The following FNTB variants were observed in gnomAD, a reference collection of about 807,000 sequenced individuals.
The protein encoded by FNTB is protein farnesyltransferase subunit beta.
Under a neutral mutation model 59.4 loss-of-function variants are expected in FNTB, and 27 were observed. That is an observed-to-expected ratio of 0.45 (90% CI 0.34 to 0.63). The LOEUF is 0.63. Ranked by LOEUF, FNTB falls within the 20% of genes least tolerant of loss-of-function variation. FNTB has a pLI of 0.02. For missense variants in FNTB, 449 were observed against 559.6 expected (o/e 0.80, Z 1.99); for synonymous variants, 230 against 220.7 (o/e 1.04, Z -0.37).
At chr14:64,987,339 T>A in intron 1 of FNTB, 1 of 574,926 alleles carries the variant, frequency 1.7e-6, no homozygotes, top group East Asian at 2.9e-5. Context: ...AGTAGCCGAG[T>A]CCCCTCTGCC....
chr14:65,004,165 G>A, intron 1 of FNTB, 84 bp from the exon 2 acceptor site: 1 of 1,465,536 alleles, frequency 6.8e-7, no homozygotes, highest in Non-Finnish European at 9.4e-7. Context: ...TCGCCAATAG[G>A]CATTTGTGGC....
Position 65,054,498 on chromosome 14 carries a change from C to T in FNTB, c.1068-77C>T, listed in dbSNP as rs1451757176. The T allele has an allele frequency of 1.4e-6, 2 of 1,418,422 alleles. No homozygotes were observed. Among genetic ancestry groups the T allele is most frequent in the Non-Finnish European group, 1.9e-6 (2 of 1,031,282 alleles). 87.9% of individuals were successfully genotyped at this position (1,418,422 alleles called of 1,614,324 possible). A position where few individuals can be genotyped will look rare whatever the true frequency, so the allele number is the denominator to read the frequency against. On this transcript the variant is annotated intron_variant, in intron 10 of 11. Coordinates refer to ENST00000246166, the MANE Select transcript of FNTB (RefSeq NM_002028.4). This position sits in a 1 kb window ranked among gnomAD's most constrained non-coding sequence, Gnocchi z 4.4. The stretch of plus-strand genomic sequence containing the variant: ...GGGGACGTGTGATTGCACCAGTGGT[C>T]TCTGAATTGGTGTGGCTACATTTGT...
Position 65,009,832 on chromosome 14 carries a change from A to G in FNTB, c.210-2485A>G, listed in dbSNP as rs1013492779. On this transcript the variant is annotated intron_variant, in intron 2 of 11. Coordinates refer to ENST00000246166, the MANE Select transcript of FNTB (RefSeq NM_002028.4). The surrounding 1 kb of genome is among the most constrained non-coding windows in gnomAD (Gnocchi z 4.2). ...TTTGGGAAGAGTTTTCTGACCCTCC[A>G]TCTCTTCCCGTGGCTGATCACAGCG... Among the ~76,000 whole-genome samples the G allele has an allele frequency of 2.6e-5, 4 of 151,852 alleles. No homozygotes were observed. The highest frequency in any genetic ancestry group is 4.4e-5 in the Non-Finnish European group (3 of 67,946).
chr14:65,038,938 C>G (rs1222174395), intron 7 of FNTB, among the ~76,000 whole-genome samples: 1 of 152,104 alleles, frequency 6.6e-6, no homozygotes, highest in Non-Finnish European at 1.5e-5. Context: ...TTTGTCCTCT[C>G]AATAGTCTTA....
rs531906264 is a variant in FNTB, at chr14:65,031,647, G to A, written c.606-963G>A. Among the ~76,000 whole-genome samples the A allele has an allele frequency of 6.6e-5, 10 of 152,204 alleles. No individual in the cohort carries two copies. The highest frequency in any genetic ancestry group is 4.1e-4 in the South Asian group (2 of 4,820). ...TGCTTTTTTAAAAAATAGCCCGGGC[G>A]CGGTGGCTTATGCCTGTAATCCCAG... On this transcript the variant is annotated intron_variant, in intron 6 of 11. Transcript: ENST00000246166. This position sits in a 1 kb window ranked among gnomAD's most constrained non-coding sequence, Gnocchi z 4.6.
At chr14:65,010,002 T>C (rs947594372) in intron 2 of FNTB, among the ~76,000 whole-genome samples, 12 of 152,172 alleles carry the variant, frequency 7.9e-5, no homozygotes, top group Admixed American at 2.6e-4. Flanking sequence ...GAGTGGACTT[T>C]CCTGAAAGAG....
intron 4 of FNTB, among the ~76,000 whole-genome samples, chr14:65,026,297 G>T (rs1385326672): frequency 1.3e-5 from 2 of 152,178 alleles, no homozygotes; most frequent in African/African-American, 4.8e-5. Flanking sequence ...TGATGATAGG[G>T]CTCTCTTGAT....
intron 9 of FNTB, among the ~76,000 whole-genome samples, chr14:65,050,927 G>T (rs1196053244): frequency 6.6e-6 from 1 of 152,172 alleles, no homozygotes; most frequent in Non-Finnish European, 1.5e-5. Context: ...CAAGGAACTG[G>T]AAACAACCTT....
Position 65,012,075 on chromosome 14 carries a change from C to T in FNTB, c.210-242C>T, listed in dbSNP as rs2061692352. On this transcript the variant is annotated intron_variant, in intron 2 of 11. Transcript: ENST00000246166. The surrounding 1 kb of genome is among the most constrained non-coding windows in gnomAD (Gnocchi z 5.0). ...GCCCAAAGTCACTGCCTTTAGGAGA[C>T]AATCGCACTCTAAATGTCAGCTGGC... is the stretch of plus-strand genomic sequence containing the variant. The T allele has an allele frequency of 1.3e-5, 6 of 464,278 alleles. No individual in the cohort carries two copies. In the South Asian group the frequency reaches 1.4e-4, roughly 11 times the overall value. The allele number at this position is 464,278 out of a possible 1,614,324, so 28.8% of individuals were successfully genotyped here. A position where few individuals can be genotyped will look rare whatever the true frequency, so the allele number is the denominator to read the frequency against.
At chr14:65,022,034 G>A (rs751733585) in intron 4 of FNTB, 10 of 455,904 alleles carry the variant, frequency 2.2e-5, no homozygotes, top group South Asian at 7.7e-5. Flanking sequence ...CAAATAACAC[G>A]TCTGACTCTG....
In FNTB at chr14:65,001,437, C is replaced by G. The variant is rs1019464247; in HGVS notation, c.145-2812C>G. Reference sequence around the variant, plus strand: ...CCTATGCGTGTGGTAGGCTATACCACCCAGGTTGGTGTGAGTATACTCTGA... The same window carrying G: ...CCTATGCGTGTGGTAGGCTATACCAGCCAGGTTGGTGTGAGTATACTCTGA... On this transcript the variant is annotated intron_variant, in intron 1 of 11. Transcript: ENST00000246166. The surrounding 1 kb of genome is among the most constrained non-coding windows in gnomAD (Gnocchi z 5.5). Among the ~76,000 whole-genome samples, 7 of 152,136 alleles carry G rather than the reference C, an allele frequency of 4.6e-5. No individual in the cohort carries two copies. In the East Asian group the frequency reaches 1.3e-3, roughly 29 times the overall value.
rs952440544 is a variant in FNTB at position 65,014,378 on chromosome 14, C to T, written c.283-1247C>T. Reference sequence around the variant, plus strand: ...GTCTCTTCCACGTGCTCCCTCAAAACTCTGTTTTCGTCCATTACAGCATTT... The same window carrying T: ...GTCTCTTCCACGTGCTCCCTCAAAATTCTGTTTTCGTCCATTACAGCATTT... On this transcript the variant is annotated intron_variant, in intron 3 of 11. Transcript: ENST00000246166. The surrounding 1 kb of genome is among the most constrained non-coding windows in gnomAD (Gnocchi z 5.1). Among the ~76,000 whole-genome samples, 40 of 152,304 alleles carry T rather than the reference C, an allele frequency of 2.6e-4. No homozygotes were observed. The highest frequency in any genetic ancestry group is 9.6e-4 in the African/African-American group (40 of 41,568).
intron 7 of FNTB, among the ~76,000 whole-genome samples, chr14:65,039,909 C>T (rs890108814): frequency 2.0e-5 from 3 of 152,158 alleles, no homozygotes; most frequent in African/African-American, 7.2e-5. Context: ...TCACCAGAGG[C>T]CAAGTGCGGT....
intron 1 of FNTB, among the ~76,000 whole-genome samples, chr14:64,996,766 C>CTTTTT (rs34327825): frequency 4.2e-5 from 4 of 94,444 alleles, no homozygotes; most frequent in South Asian, 4.4e-4. Flanking sequence ...TTGCTAACAT[C>CTTTTT]TTTTTTTTTT....
Position 65,020,644 on chromosome 14 carries a change from A to C in FNTB, c.374+4928A>C, listed in dbSNP as rs184486368. ...AGATTGGGTTTTACCATGTTGGCCA[A>C]GTTGGTCTCGAACTCCTGACCTCAG... On this transcript the variant is annotated intron_variant, in intron 4 of 11. Transcript: ENST00000246166. Among the ~76,000 whole-genome samples the C allele has an allele frequency of 1.9e-3, 285 of 151,186 alleles. 3 individuals are homozygous for C. Among genetic ancestry groups the C allele is most frequent in the Non-Finnish European group, 8.0e-4 (54 of 67,872 alleles).
intron 8 of FNTB, among the ~76,000 whole-genome samples, 156 bp downstream of exon 8, chr14:65,041,075 T>A (rs1023303493): frequency 2.0e-5 from 3 of 152,212 alleles, no homozygotes; most frequent in African/African-American, 7.2e-5. Context: ...CTGCTCTGTC[T>A]TGGCTCCCCC....
In FNTB at chr14:65,028,876, C is replaced by G. The variant is rs2062030079; in HGVS notation, c.605+1095C>G. ...TCTGTTGCTATTCCCCCAAAATATG[C>G]ACAGTCTTGAAACGCAGCTTTTAAA... is the stretch of plus-strand genomic sequence containing the variant. On this transcript the variant is annotated intron_variant, in intron 6 of 11. Coordinates refer to ENST00000246166, the MANE Select transcript of FNTB (RefSeq NM_002028.4). This position sits in a 1 kb window ranked among gnomAD's most constrained non-coding sequence, Gnocchi z 4.4. Among the ~76,000 whole-genome samples, 1 of 152,176 alleles carries G rather than the reference C, an allele frequency of 6.6e-6. No individual in the cohort carries two copies. Among genetic ancestry groups the G allele is most frequent in the African/African-American group, 2.4e-5 (1 of 41,460 alleles).
chr14:65,005,511 TTCTC>T (rs1203588955), intron 2 of FNTB, among the ~76,000 whole-genome samples: 53 of 64,454 alleles, frequency 8.2e-4, no homozygotes, highest in Admixed American at 6.0e-3. Flanking sequence ...CTTTCTTTCT[TTCTC>T]TCTCTCTTTC....
intron 11 of FNTB, among the ~76,000 whole-genome samples, chr14:65,057,649 G>A (rs1462635940): frequency 2.0e-5 from 3 of 152,208 alleles, no homozygotes; most frequent in Non-Finnish European, 4.4e-5. Context: ...AATGCAGCAA[G>A]TCATTAAGTG....
Sources: allele counts gnomAD v4.1 joint callset (sites outside exome capture counted in the v4.1 genomes callset), GRCh38; gene constraint gnomAD v4.1.1; non-coding constraint Gnocchi (gnomAD v3.1); transcripts MANE v1.5; gene names NCBI Gene and HGNC (gene_info 2026-07-23, HGNC 2026-07-21).